Variants in DGKB observed in about 807,000 individuals in gnomAD.
DGKB encodes the protein diacylglycerol kinase beta, also known as 90 kDa diacylglycerol kinase.
Under a neutral mutation model 114.3 loss-of-function variants are expected in DGKB, and 67 were observed. That is an observed-to-expected ratio of 0.59 (90% confidence interval 0.48 to 0.72). The LOEUF (loss-of-function observed/expected upper bound fraction) is 0.72. Among genes scored for constraint, DGKB ranks in the 30% least tolerant of loss-of-function variants. The pLI, the probability that DGKB is intolerant of heterozygous loss-of-function variation, is 0.00. For missense variants in DGKB, 907 were observed against 975.2 expected (o/e 0.93, Z 0.93); for synonymous variants, 398 against 323.1 (o/e 1.23, Z -2.49).
chr7:14,334,705 C>T (rs1050712600), intron 23 of DGKB, among the ~76,000 whole-genome samples: 3 of 151,744 alleles, frequency 2.0e-5, no homozygotes, highest in Non-Finnish European at 2.9e-5. Context: ...AATGCAAAAA[C>T]CTCTACTTTC....
At chr7:14,649,660 G>T (rs1813982452) in intron 13 of DGKB, among the ~76,000 whole-genome samples, 1 of 147,486 alleles carries the variant, frequency 6.8e-6, no homozygotes, top group Non-Finnish European at 1.5e-5. Flanking sequence ...AACTTTAAAT[G>T]TAAATGGACA....
Position 14,204,399 on chromosome 7 carries a change from G to A in DGKB, c.2123-26248C>T, listed in dbSNP as rs142311599. 3.2e-3 allele frequency among the ~76,000 whole-genome samples: 494 copies of A among 152,034 alleles called. 1 individual carries two copies. The highest frequency in any genetic ancestry group is 0.011 in the African/African-American group (473 of 41,516). On this transcript the variant is annotated intron_variant, in intron 23 of 25. Transcript: ENST00000402815. ...CACAGTTCTACAAGTAGCTTGGTGA[G>A]CTGACACATTTCTGTGTCTATGTGG...
At chr7:14,178,193 A>T in intron 23 of DGKB, 42 bp from the exon 24 acceptor site, 1 of 1,597,744 alleles carries the variant, frequency 6.3e-7, no homozygotes, top group Non-Finnish European at 8.5e-7. Flanking sequence ...ATGTGTATAC[A>T]TATGTCCACA....
At chr7:14,325,337 C>T (rs1808534155) in intron 23 of DGKB, among the ~76,000 whole-genome samples, 1 of 151,942 alleles carries the variant, frequency 6.6e-6, no homozygotes, top group South Asian at 2.1e-4. Flanking sequence ...TGCTGTTGGC[C>T]AACACAATCT....
chr7:14,316,303 TAG>T (rs1806501651), intron 23 of DGKB, among the ~76,000 whole-genome samples: 1 of 143,092 alleles, frequency 7.0e-6, no homozygotes, highest in Non-Finnish European at 1.5e-5. Flanking sequence ...CTGAAGGAAA[TAG>T]AGACACAAAA....
intron 19 of DGKB, among the ~76,000 whole-genome samples, chr7:14,577,293 AC>A (rs1287488538): frequency 5.9e-5 from 9 of 152,188 alleles, no homozygotes; most frequent in African/African-American, 9.6e-5. Context: ...AATGAAAATC[AC>A]ATAAAGAAAT....
At chr7:14,666,063 T>C (rs1252114748) in intron 13 of DGKB, among the ~76,000 whole-genome samples, 2 of 151,982 alleles carry the variant, frequency 1.3e-5, no homozygotes, top group East Asian at 1.9e-4. Context: ...AAACAACTTA[T>C]ATTCCAACAT....
Position 14,698,160 on chromosome 7 carries a change from T to A in DGKB, c.526A>T (p.Asn176Tyr), listed in dbSNP as rs1174445574. ...ACATGCATCATCTGACTGATGATAT[T>A]TTCTAGCTCCTGGAAGAGAAAGAGA... ...NGFLDSSELE[N>Y]IISQMMHVAE... Residue 176 changes from asparagine to tyrosine, a missense_variant, in exon 8 of 26, where the codon AAT becomes TAT. Asn to Tyr is a moderately radical substitution (Grantham distance 143, BLOSUM62 -2). This residue lies in a region of DGKB where 814 missense variants were observed against 856.6 expected (regional missense o/e 0.95). Transcript: ENST00000402815. 6.5e-7 allele frequency: 1 copy of A among 1,528,704 alleles called. No homozygotes were observed. The highest frequency in any genetic ancestry group is 2.3e-5 in the Admixed American group (1 of 43,230). 94.7% of individuals were successfully genotyped at this position (1,528,704 alleles called of 1,614,324 possible).
At chr7:14,548,551 C>T (rs942156589) in intron 20 of DGKB, among the ~76,000 whole-genome samples, 1 of 152,072 alleles carries the variant, frequency 6.6e-6, no homozygotes, top group Non-Finnish European at 1.5e-5. Flanking sequence ...CAGTTTCATC[C>T]AAACAGAATT....
chr7:14,695,346 G>A (rs1160554046), intron 8 of DGKB, among the ~76,000 whole-genome samples: 2 of 151,834 alleles, frequency 1.3e-5, no homozygotes, highest in Non-Finnish European at 2.9e-5. Context: ...TCCTCTGACC[G>A]TGTCTCAAAT....
At chr7:14,870,507 C>A (rs1852292856) in intron 1 of DGKB, among the ~76,000 whole-genome samples, 1 of 151,990 alleles carries the variant, frequency 6.6e-6, no homozygotes, top group South Asian at 2.1e-4. Flanking sequence ...TTTAAATTAA[C>A]AAATAATTGG....
chr7:14,521,578 T>A (rs1789779177), intron 20 of DGKB, among the ~76,000 whole-genome samples: 1 of 152,188 alleles, frequency 6.6e-6, no homozygotes, highest in Non-Finnish European at 1.5e-5. Context: ...ATTGTACTTT[T>A]TCATTTCCAT....
At chr7:14,621,138 C>T in intron 15 of DGKB, 2 of 385,194 alleles carry the variant, frequency 5.2e-6, no homozygotes, top group Non-Finnish European at 9.2e-6. Context: ...TTCAAAAGAT[C>T]TCTTGCCAAT....
At chr7:14,309,847 T>A (rs1328869876) in intron 23 of DGKB, among the ~76,000 whole-genome samples, 3 of 152,180 alleles carry the variant, frequency 2.0e-5, no homozygotes, top group Non-Finnish European at 4.4e-5. Flanking sequence ...TACTGAAGGA[T>A]CTGCAGGTGC....
At chr7:14,627,171 G>C (rs1808739246) in intron 14 of DGKB, among the ~76,000 whole-genome samples, 1 of 152,186 alleles carries the variant, frequency 6.6e-6, no homozygotes, top group South Asian at 2.1e-4. Context: ...AGTGTTGTAA[G>C]AAGTATGATT....
chr7:14,911,004 C>CAATGTATAG (rs1396330719), intron 1 of DGKB, among the ~76,000 whole-genome samples: 5 of 151,900 alleles, frequency 3.3e-5, no homozygotes, highest in Non-Finnish European at 5.9e-5. Flanking sequence ...ATATTTACTG[C>CAATGTATAG]AATGTATAGT....
chr7:14,312,459 C>T (rs1261894653), intron 23 of DGKB, among the ~76,000 whole-genome samples: 3 of 152,140 alleles, frequency 2.0e-5, no homozygotes, highest in Admixed American at 2.0e-4. Context: ...ATGCCTTGTT[C>T]GTTGCTATGA....
intron 13 of DGKB, among the ~76,000 whole-genome samples, chr7:14,655,906 T>C (rs1052437290): frequency 6.6e-6 from 1 of 151,570 alleles, no homozygotes; most frequent in African/African-American, 2.4e-5. Context: ...AAGAGAGAAG[T>C]TGGTTAACTG....
At chr7:14,903,969 ACT>A (rs1783499814), upstream of DGKB, among the ~76,000 whole-genome samples, 1 of 152,006 alleles carries the variant, frequency 6.6e-6, no homozygotes, top group Non-Finnish European at 1.5e-5. Flanking sequence ...TCAGCTACAG[ACT>A]CTGGTAAAAC....
Sources: allele counts gnomAD v4.1 joint callset (sites outside exome capture counted in the v4.1 genomes callset), GRCh38; gene constraint gnomAD v4.1.1; regional missense constraint gnomAD v4.1.1; transcripts MANE v1.5; gene names NCBI Gene and HGNC (gene_info 2026-07-23, HGNC 2026-07-21).